Variants in BSPH1 observed in about 807,000 individuals in gnomAD.
BSPH1 encodes binder of sperm protein homolog 1.
A neutral mutation model predicts 22.5 loss-of-function variants in BSPH1; 21 were observed. The observed-to-expected ratio is 0.93, with a 90% CI of 0.66 to 1.35. BSPH1 has a LOEUF of 1.35. BSPH1 is among the 40% of genes most tolerant of loss of function. The probability of loss-of-function intolerance (pLI) is 0.00; values close to 1 mark genes in which losing one functional copy is unlikely to be tolerated. For synonymous variants in BSPH1, 42 were observed against 53.6 expected (o/e 0.78, Z 0.95); for missense variants, 141 against 154.2 (o/e 0.91, Z 0.45).
At chr19:47,980,810 TC>T (rs1969413174) in intron 2 of BSPH1, 110 bp downstream of exon 2, 1 of 641,474 alleles carries the variant, frequency 1.6e-6, no homozygotes, top group East Asian at 3.1e-5. Flanking sequence ...AAAATAGTAA[TC>T]TTTAATGAAA....
intron 5 of BSPH1, among the ~76,000 whole-genome samples, chr19:47,971,898 G>A (rs765364949): frequency 8.5e-5 from 13 of 152,158 alleles, no homozygotes; most frequent in Non-Finnish European, 1.8e-4. Context: ...AATGTGTCTT[G>A]TTCATTGTCA....
At chr19:47,978,976 G>A (rs1166222714) in intron 3 of BSPH1, among the ~76,000 whole-genome samples, 3 of 152,108 alleles carry the variant, frequency 2.0e-5, no homozygotes, top group Admixed American at 6.6e-5. Flanking sequence ...TAAAACCATG[G>A]ATTATTCTAA....
chr19:47,969,992 T>G (rs1969297673), intron 5 of BSPH1, among the ~76,000 whole-genome samples: 2 of 149,812 alleles, frequency 1.3e-5, no homozygotes, highest in African/African-American at 4.9e-5. Context: ...GAGAGAGACT[T>G]TAGAATTTAT....
intron 1 of BSPH1, among the ~76,000 whole-genome samples, chr19:47,989,916 C>T (rs1035741468): frequency 4.6e-5 from 7 of 151,812 alleles, no homozygotes; most frequent in Admixed American, 3.9e-4. Context: ...ATCAGGAGTT[C>T]GAGACCAGCC....
chr19:47,990,118 CAAA>C (rs11329791), intron 1 of BSPH1, among the ~76,000 whole-genome samples: 14 of 99,682 alleles, frequency 1.4e-4, no homozygotes, highest in South Asian at 4.2e-4. Context: ...GACTCCATCT[CAAA>C]AAAAAAAAAA....
intron 5 of BSPH1, among the ~76,000 whole-genome samples, chr19:47,970,124 T>A (rs1471793020): frequency 1.3e-5 from 2 of 152,166 alleles, no homozygotes; most frequent in African/African-American, 4.8e-5. Context: ...AGTGGCACGA[T>A]CTTGGCTCAC....
chr19:47,970,222 C>T (rs1969299841), intron 5 of BSPH1, among the ~76,000 whole-genome samples: 1 of 152,062 alleles, frequency 6.6e-6, no homozygotes, highest in Non-Finnish European at 1.5e-5. Context: ...ACACACCCAG[C>T]TAATTTTCGT....
intron 5 of BSPH1, among the ~76,000 whole-genome samples, chr19:47,972,357 G>A (rs1355827100): frequency 6.6e-6 from 1 of 151,314 alleles, no homozygotes; most frequent in Non-Finnish European, 1.5e-5. Context: ...GTGTGTCACA[G>A]GGCTTTGGCG....
chr19:47,971,115 A>T (rs960980892), intron 5 of BSPH1, among the ~76,000 whole-genome samples: 1 of 152,096 alleles, frequency 6.6e-6, no homozygotes, highest in Non-Finnish European at 1.5e-5. Flanking sequence ...TCTCTAAAGC[A>T]TTATCACTGG....
chr19:47,980,933 A>G lies in BSPH1; in HGVS notation c.82T>C (p.Ser28Pro). ...TTGATCAACTCACCCACAGTTGATG[A>G]TAATTCATCTGAAAAACACAATTTT... ...CIFPVILNEL[S>P]STVETITHFP... is the part of the protein sequence containing the mutation. The change falls in exon 2 of 6, where the codon TCA becomes CCA. Residue 28 changes from serine to proline, a missense_variant. By Grantham distance (74) the Ser-to-Pro change is moderately conservative. Transcript: ENST00000344839. 6.9e-7 allele frequency: 1 copy of G among 1,455,846 alleles called. No individual in the cohort carries two copies. Among genetic ancestry groups the G allele is most frequent in the Non-Finnish European group, 9.2e-7 (1 of 1,088,216 alleles). 90.2% of individuals were successfully genotyped at this position (1,455,846 alleles called of 1,614,324 possible). A position where few individuals can be genotyped will look rare whatever the true frequency, so the allele number is the denominator to read the frequency against.
intron 1 of BSPH1, among the ~76,000 whole-genome samples, chr19:47,983,859 C>T (rs1187586695): frequency 2.7e-5 from 4 of 148,724 alleles, no homozygotes; most frequent in Middle Eastern, 3.2e-3. Context: ...TTTTTTGACA[C>T]GGAGTCTCAC....
intron 3 of BSPH1, 147 bp from the exon 4 acceptor site, chr19:47,977,651 GC>G: frequency 1.4e-6 from 2 of 1,408,032 alleles, no homozygotes; most frequent in African/African-American, 2.9e-5. Flanking sequence ...CAATAGCAGA[GC>G]TTTGGCTCTC....
chr19:47,980,848 A>G lies in BSPH1; in HGVS notation c.94+73T>C. On this transcript the variant is annotated intron_variant, in intron 2 of 5. Transcript: ENST00000344839. ...GTATGATTTCTTACCAGGAAAGGGA[A>G]TACTCAATGGTTTCACATTTTATTG... 5 of 768,934 alleles carry G rather than the reference A, an allele frequency of 6.5e-6. No homozygotes were observed. In the South Asian group the frequency reaches 8.7e-5, roughly 13 times the overall value. 47.6% of individuals were successfully genotyped at this position (768,934 alleles called of 1,614,324 possible).
intron 1 of BSPH1, among the ~76,000 whole-genome samples, chr19:47,989,110 TTTATTATTATTATTATTATTATTA>T (rs199985003): frequency 6.5e-5 from 9 of 138,426 alleles, no homozygotes; most frequent in African/African-American, 1.9e-4. Flanking sequence ...AAGTCACCGT[TTTATTATTATTATTATTATTATTA>T]TTATTATTAT....
intron 5 of BSPH1, among the ~76,000 whole-genome samples, chr19:47,976,192 A>G (rs1969361061): frequency 6.6e-6 from 1 of 151,910 alleles, no homozygotes; most frequent in Admixed American, 6.6e-5. Flanking sequence ...CTCTTTCATC[A>G]CAACTCAATG....
intron 1 of BSPH1, among the ~76,000 whole-genome samples, chr19:47,987,090 T>A (rs1369282826): frequency 1.3e-5 from 2 of 152,218 alleles, no homozygotes; most frequent in Non-Finnish European, 2.9e-5. Context: ...TGTGACTACA[T>A]CTTAATTACC....
chr19:47,981,176 CA>C (rs2122252809), intron 1 of BSPH1, among the ~76,000 whole-genome samples: 1 of 152,126 alleles, frequency 6.6e-6, no homozygotes, highest in African/African-American at 2.4e-5. Context: ...ATTTTTAAAA[CA>C]AAAAATTCAG....
At chr19:47,980,859 T>C in intron 2 of BSPH1, 62 bp downstream of exon 2, 1 of 944,174 alleles carries the variant, frequency 1.1e-6, no homozygotes, top group Non-Finnish European at 1.6e-6. Context: ...TACTCAATGG[T>C]TTCACATTTT....
At chr19:47,972,706 A>C (rs1379274700) in intron 5 of BSPH1, among the ~76,000 whole-genome samples, 2 of 151,896 alleles carry the variant, frequency 1.3e-5, no homozygotes, top group East Asian at 3.9e-4. Context: ...GAATTAGAAT[A>C]TTGAAGCTGA....
Sources: gnomAD v4.1 joint callset for allele counts (sites outside exome capture counted in the v4.1 genomes callset) on GRCh38, gnomAD v4.1.1 for gene constraint, MANE v1.5 for transcripts, NCBI Gene and HGNC (gene_info 2026-07-23, HGNC 2026-07-21) for gene names.